The following RGS17 variants were observed in gnomAD, a reference collection of about 807,000 sequenced individuals.
RGS17 encodes the protein regulator of G-protein signaling 17.
A neutral mutation model predicts 25.5 loss-of-function variants in RGS17; 12 were observed. The observed-to-expected ratio is 0.47, with a 90% confidence interval of 0.30 to 0.76. RGS17 has a LOEUF of 0.76. RGS17 is among the 30% of genes least tolerant of loss of function. The probability of loss-of-function intolerance (pLI) is 0.07; values close to 1 mark genes in which losing one functional copy is unlikely to be tolerated. For synonymous variants in RGS17, 71 were observed against 76.9 expected (o/e 0.92, Z 0.40); for missense variants, 196 against 242.2 (o/e 0.81, Z 1.27).
At chr6:153,054,085 A>AC (rs1776515559) in intron 1 of RGS17, among the ~76,000 whole-genome samples, 1 of 12,338 alleles carries the variant, frequency 8.1e-5, no homozygotes. Context: ...TATACACACA[A>AC]TATTTTTTAT....
intron 4 of RGS17, among the ~76,000 whole-genome samples, chr6:153,016,372 C>A (rs1180852819): frequency 3.3e-5 from 5 of 152,158 alleles, no homozygotes; most frequent in African/African-American, 1.2e-4. Flanking sequence ...ACCAAACACA[C>A]TCCTCTGTTT....
intron 2 of RGS17, among the ~76,000 whole-genome samples, chr6:153,032,164 TACA>T (rs1274907332): frequency 1.3e-5 from 2 of 152,160 alleles, no homozygotes; most frequent in African/African-American, 2.4e-5. Context: ...CCACATAATA[TACA>T]ACATTTCAGA....
chr6:153,023,785 T>A (rs1779270424), intron 4 of RGS17, among the ~76,000 whole-genome samples: 1 of 152,170 alleles, frequency 6.6e-6, no homozygotes, highest in South Asian at 2.1e-4. Flanking sequence ...GTTTTCCAAC[T>A]AGTATGTATG....
intron 2 of RGS17, among the ~76,000 whole-genome samples, chr6:153,027,553 C>T (rs2129107297): frequency 6.6e-6 from 1 of 152,166 alleles, no homozygotes; most frequent in Non-Finnish European, 1.5e-5. Context: ...CCTTCTTTCA[C>T]TTACTTACTC....
At chr6:153,105,151 C>G (rs1330195410) in intron 1 of RGS17, among the ~76,000 whole-genome samples, 1 of 151,618 alleles carries the variant, frequency 6.6e-6, no homozygotes, top group Non-Finnish European at 1.5e-5. Context: ...ACCTTAGGGA[C>G]AGCAGCCTCA....
At chr6:153,039,288 CA>C (rs1187899018) in intron 2 of RGS17, among the ~76,000 whole-genome samples, 1 of 152,166 alleles carries the variant, frequency 6.6e-6, no homozygotes. Context: ...AAAATAGACA[CA>C]ACATTTTCCA....
intron 2 of RGS17, among the ~76,000 whole-genome samples, chr6:153,040,001 C>A (rs1776302032): frequency 6.6e-6 from 1 of 152,076 alleles, no homozygotes; most frequent in Non-Finnish European, 1.5e-5. Context: ...GACAAATGGT[C>A]TTGACAAAAT....
At chr6:153,095,777 G>A (rs9397587) in intron 1 of RGS17, among the ~76,000 whole-genome samples, 68,582 of 151,854 alleles carry the variant, frequency 0.45, 16,112 homozygotes, top group East Asian at 0.84. Flanking sequence ...AATTCTTTAG[G>A]GTCTATAATA....
At chr6:153,066,913 A>G (rs1220602658) in intron 1 of RGS17, among the ~76,000 whole-genome samples, 1 of 151,808 alleles carries the variant, frequency 6.6e-6, no homozygotes, top group African/African-American at 2.4e-5. Context: ...GGTGGTGGGC[A>G]CCTGTAGTCC....
At chr6:153,068,247 C>A (rs1269094813) in intron 1 of RGS17, among the ~76,000 whole-genome samples, 2 of 152,008 alleles carry the variant, frequency 1.3e-5, no homozygotes, top group East Asian at 3.9e-4. Flanking sequence ...GAATTTGAGA[C>A]CAGCCTGACA....
chr6:153,037,481 A>G (rs895063937), intron 2 of RGS17, among the ~76,000 whole-genome samples: 2 of 150,130 alleles, frequency 1.3e-5, no homozygotes, highest in Non-Finnish European at 3.0e-5. Context: ...GCTGGAGTGC[A>G]GTGGCGCAAT....
intron 1 of RGS17, among the ~76,000 whole-genome samples, chr6:153,067,870 G>A (rs959966199): frequency 1.3e-5 from 2 of 152,060 alleles, no homozygotes; most frequent in Non-Finnish European, 2.9e-5. Flanking sequence ...TGAGCAAAAA[G>A]AAAAACTGGA....
chr6:153,073,310 C>T (rs1776833196), intron 1 of RGS17, among the ~76,000 whole-genome samples: 2 of 152,166 alleles, frequency 1.3e-5, no homozygotes, highest in South Asian at 4.1e-4. Context: ...CTGTCTTTTC[C>T]TCCAAATGGG....
At chr6:153,109,646 C>T (rs1777438440) in intron 1 of RGS17, among the ~76,000 whole-genome samples, 1 of 118,030 alleles carries the variant, frequency 8.5e-6, no homozygotes, top group Non-Finnish European at 1.7e-5. Flanking sequence ...TCAAGTAAAG[C>T]CATTAGAAAA....
chr6:153,121,289 T>G (rs1195524485), intron 1 of RGS17, among the ~76,000 whole-genome samples: 1 of 152,212 alleles, frequency 6.6e-6, no homozygotes, highest in Non-Finnish European at 1.5e-5. Context: ...TTGCTGCCTC[T>G]CTCTAACATA....
At chr6:153,097,867 T>C (rs1777241797) in intron 1 of RGS17, among the ~76,000 whole-genome samples, 1 of 152,064 alleles carries the variant, frequency 6.6e-6, no homozygotes, top group African/African-American at 2.4e-5. Flanking sequence ...GGTGATCTAA[T>C]CTGATGATGT....
At chr6:153,049,353 G>T (rs1776430567) in intron 1 of RGS17, among the ~76,000 whole-genome samples, 1 of 152,092 alleles carries the variant, frequency 6.6e-6, no homozygotes, top group Non-Finnish European at 1.5e-5. Context: ...GAACTCTATA[G>T]AAATATTACG....
At chr6:153,049,168 T>C (rs558988037) in intron 1 of RGS17, among the ~76,000 whole-genome samples, 30 of 152,298 alleles carry the variant, frequency 2.0e-4, no homozygotes, top group African/African-American at 7.2e-4. Flanking sequence ...TCCAAGAGAT[T>C]CGGCAGATAA....
intron 1 of RGS17, among the ~76,000 whole-genome samples, chr6:153,089,090 C>G (rs187379229): frequency 1.3e-5 from 2 of 151,656 alleles, no homozygotes; most frequent in Admixed American, 1.3e-4. Context: ...TTGGACTGTG[C>G]TTTTTTTCTT....
Sources: gnomAD v4.1 joint callset for allele counts (sites outside exome capture counted in the v4.1 genomes callset) on GRCh38, gnomAD v4.1.1 for gene constraint, MANE v1.5 for transcripts, NCBI Gene and HGNC (gene_info 2026-07-23, HGNC 2026-07-21) for gene names.